The following MRNIP variants were observed in gnomAD, a reference collection of about 807,000 sequenced individuals.
The protein encoded by MRNIP is MRN complex-interacting protein.
Under a neutral mutation model 29.8 loss-of-function variants are expected in MRNIP, and 30 were observed. That is an observed-to-expected ratio of 1.01 (90% CI 0.75 to 1.36). The LOEUF is 1.36. MRNIP is among the 40% of genes most tolerant of loss of function. The probability of loss-of-function intolerance (pLI) is 0.00; values close to 1 mark genes in which losing one functional copy is unlikely to be tolerated. For missense variants in MRNIP, 459 were observed against 423.5 expected (o/e 1.08, Z -0.74); for synonymous variants, 201 against 164.1 (o/e 1.23, Z -1.72).
At chr5:179,843,483 T>TA (rs763460119) in intron 4 of MRNIP, among the ~76,000 whole-genome samples, 7 of 152,146 alleles carry the variant, frequency 4.6e-5, no homozygotes, top group Non-Finnish European at 1.0e-4. Flanking sequence ...TTCATGCCTG[T>TA]AATCCCAGTA....
intron 4 of MRNIP, among the ~76,000 whole-genome samples, chr5:179,843,368 TA>T (rs1371823307): frequency 1.3e-5 from 2 of 152,090 alleles, no homozygotes; most frequent in Non-Finnish European, 2.9e-5. Flanking sequence ...GAGAATGATA[TA>T]AAATTAAGTC....
rs140823936 is a variant in MRNIP at position 179,851,307 on chromosome 5, G to C, written c.126+2071C>G. 2.9e-3 allele frequency: 1,310 copies of C among 456,076 alleles called. 2 individuals carry two copies. The highest frequency in any genetic ancestry group is 5.0e-3 in the Non-Finnish European group (1,137 of 226,802). 28.3% of individuals were successfully genotyped at this position (456,076 alleles called of 1,614,324 possible). On this transcript the variant is annotated intron_variant, in intron 2 of 6. Transcript: ENST00000292586. Reference sequence around the variant, plus strand: ...TTGACTGGACCAGAGGTGGGCATCCGAGTCAGCCTGGGCCAACCAGGTTGC... The same window carrying C: ...TTGACTGGACCAGAGGTGGGCATCCCAGTCAGCCTGGGCCAACCAGGTTGC...
intron 1 of MRNIP, among the ~76,000 whole-genome samples, chr5:179,855,907 G>GTTTTTT (rs1205010985): frequency 7.2e-5 from 8 of 111,018 alleles, no homozygotes; most frequent in Middle Eastern, 4.9e-3. Flanking sequence ...AAGAAAAGTT[G>GTTTTTT]TTTTTTTTTT....
intron 1 of MRNIP, among the ~76,000 whole-genome samples, chr5:179,857,842 G>A (rs1407094780): frequency 6.6e-6 from 1 of 152,030 alleles, no homozygotes; most frequent in African/African-American, 2.4e-5. Context: ...GAGAAACCCT[G>A]TCTCTATTAA....
intron 3 of MRNIP, among the ~76,000 whole-genome samples, chr5:179,845,463 A>C (rs1759087482): frequency 6.9e-6 from 1 of 144,486 alleles, no homozygotes. Context: ...ATGAATTTTT[A>C]ATTTCAATGA....
intron 1 of MRNIP, among the ~76,000 whole-genome samples, chr5:179,854,201 T>C (rs2113572666): frequency 6.6e-6 from 1 of 151,442 alleles, no homozygotes; most frequent in Middle Eastern, 3.4e-3. Context: ...TTTGTATTTT[T>C]AGTAGAGACG....
chr5:179,852,889 C>T (rs1409043824), intron 2 of MRNIP, among the ~76,000 whole-genome samples: 4 of 152,170 alleles, frequency 2.6e-5, no homozygotes, highest in African/African-American at 7.2e-5. Context: ...ACAGCCTGCC[C>T]CTGCCTGCCT....
chr5:179,845,340 G>C (rs1225504098), intron 3 of MRNIP, among the ~76,000 whole-genome samples: 1 of 151,780 alleles, frequency 6.6e-6, no homozygotes, highest in Non-Finnish European at 1.5e-5. Context: ...GTAGAGATGG[G>C]GTTTCACTAT....
rs1329774477 is a variant in MRNIP at position 179,858,811 on chromosome 5, T to G, written c.-15A>C. The G allele has an allele frequency of 6.5e-7, 1 of 1,537,718 alleles. No individual in the cohort carries two copies. The highest frequency in any genetic ancestry group is 8.7e-7 in the Non-Finnish European group (1 of 1,143,282). Reference sequence around the variant, plus strand: ...AGCGACGCCATCCCTGCTTGTGCAGTCGCCAGGCAGCCAAGCGCGTGCGCT... The same window carrying G: ...AGCGACGCCATCCCTGCTTGTGCAGGCGCCAGGCAGCCAAGCGCGTGCGCT... On this transcript the variant is annotated 5_prime_UTR_variant, in exon 1 of 7. Coordinates refer to ENST00000292586, the MANE Select transcript of MRNIP (RefSeq NM_016175.4).
At chr5:179,841,009 C>T (rs1194712852) in intron 5 of MRNIP, 50 bp from the exon 6 acceptor site, 1 of 1,321,004 alleles carries the variant, frequency 7.6e-7, no homozygotes, top group Admixed American at 1.9e-5. Context: ...CAGTGGCACC[C>T]CGAGCCTGAC....
At chr5:179,845,897 C>G (rs940839264) in intron 3 of MRNIP, 1 of 152,204 alleles carries the variant, frequency 6.6e-6, no homozygotes, top group African/African-American at 2.4e-5. Context: ...GTTAGCTGAT[C>G]TGGATGGCTA....
chr5:179,856,045 A>G (rs910073256), intron 1 of MRNIP, among the ~76,000 whole-genome samples: 1 of 151,044 alleles, frequency 6.6e-6, no homozygotes, highest in Non-Finnish European at 1.5e-5. Context: ...AGTAGCTGCG[A>G]TTACAGGTGC....
In MRNIP at chr5:179,837,415, C is replaced by T. The variant is rs1758635316; in HGVS notation, c.1008G>A (p.Gly336=). ...ATCACACATCATCATCGAAGTCTTC[C>T]CCAGTTATAAAGAGGTCACATAGTC... ...PTRLCDLFIT[G]EDFDDDV The change falls in exon 7 of 7, where the codon GGG becomes GGA. Residue 336 remains glycine, a synonymous_variant. Transcript: ENST00000292586. The T allele has an allele frequency of 3.8e-6, 6 of 1,596,914 alleles. No individual in the cohort carries two copies. The highest frequency in any genetic ancestry group is 5.1e-6 in the Non-Finnish European group (6 of 1,170,082).
rs535303024 is a variant in MRNIP at position 179,848,270 on chromosome 5, A to G, written c.127-204T>C. On this transcript the variant is annotated intron_variant, in intron 2 of 6. Coordinates refer to ENST00000292586, the MANE Select transcript of MRNIP (RefSeq NM_016175.4). ...ACAGTCTCCGGAACTAATAGTTTAC[A>G]TCTATGTGGCTGTCCCACAATCACC... is the stretch of plus-strand genomic sequence containing the variant. 2.0e-5 allele frequency among the ~76,000 whole-genome samples: 3 copies of G among 152,344 alleles called. No homozygotes were observed. The East Asian group carries it at 5.8e-4, about 29-fold the overall frequency.
intron 3 of MRNIP, among the ~76,000 whole-genome samples, chr5:179,844,594 T>C (rs1391679079): frequency 1.3e-5 from 2 of 152,058 alleles, no homozygotes; most frequent in Non-Finnish European, 1.5e-5. Flanking sequence ...GCCCTTTTTT[T>C]TTCTTCTTTT....
chr5:179,858,011 C>CAAAAAAAAA (rs762726244), intron 1 of MRNIP, among the ~76,000 whole-genome samples: 3 of 77,276 alleles, frequency 3.9e-5, no homozygotes, highest in African/African-American at 1.2e-4. Context: ...AACTCCGTCT[C>CAAAAAAAAA]AAAAAAAAAA....
chr5:179,837,529 CCT>C lies in MRNIP; in HGVS notation c.892_893del (p.Arg298AlafsTer33), dbSNP rs757109530. ...ATHPVTSGSE[R>X]PCGKTSWDAR... ...CGTCCCATGAGGTCTTCCCGCAAGG[CCT>C]CTCAGACCCAGATGTGACGGGGTGT... is the stretch of plus-strand genomic sequence containing the variant. On this transcript the variant is annotated frameshift_variant, in exon 7 of 7. Transcript: ENST00000292586. LOFTEE classifies it low-confidence loss of function (END_TRUNC). 1.1e-5 allele frequency: 18 copies of C among 1,614,112 alleles called. No homozygotes were observed. In the South Asian group the frequency reaches 1.6e-4, roughly 15 times the overall value.
At chr5:179,842,654 G>C (rs1412959761) in intron 4 of MRNIP, among the ~76,000 whole-genome samples, 6 of 137,038 alleles carry the variant, frequency 4.4e-5, no homozygotes, top group South Asian at 4.8e-4. Flanking sequence ...GAGCCGAGAT[G>C]GTGCCATTAC....
In MRNIP at chr5:179,837,718, T is replaced by A. The variant is rs775853768; in HGVS notation, c.705A>T (p.Pro235=). The change falls in exon 7 of 7, where the codon CCA becomes CCT. Residue 235 remains proline, a synonymous_variant. Coordinates refer to ENST00000292586, the MANE Select transcript of MRNIP (RefSeq NM_016175.4). Reference sequence around the variant, plus strand: ...TGTCCACATGTGAACTTTTTCTAGGTGGCAGGACAAATTGCGCCCATTTAG... The same window carrying A: ...TGTCCACATGTGAACTTTTTCTAGGAGGCAGGACAAATTGCGCCCATTTAG... ...TSSKWAQFVL[P]PRKSSHVDSE... 5.0e-6 allele frequency: 8 copies of A among 1,614,128 alleles called. No individual in the cohort carries two copies. The African/African-American group carries it at 1.1e-4, about 22-fold the overall frequency.
Sources: allele counts gnomAD v4.1 joint callset (sites outside exome capture counted in the v4.1 genomes callset), GRCh38; gene constraint gnomAD v4.1.1; transcripts MANE v1.5; gene names NCBI Gene and HGNC (gene_info 2026-07-23, HGNC 2026-07-21).